Variants in SMIM41 observed in about 807,000 individuals in gnomAD.
SMIM41 encodes small integral membrane protein 41.
intron 2 of SMIM41, among the ~76,000 whole-genome samples, chr12:52,100,974 T>A (rs1940207267): frequency 6.6e-6 from 1 of 152,190 alleles, no homozygotes; most frequent in Non-Finnish European, 1.5e-5. Flanking sequence ...AACTATGGTA[T>A]ACACACATAA....
At chr12:52,084,736 C>CA (rs1939868733) in intron 2 of SMIM41, 1 of 152,540 alleles carries the variant, frequency 6.6e-6, no homozygotes, top group African/African-American at 2.4e-5. Flanking sequence ...CCAGACTGGG[C>CA]AGGAGTTGGA....
intron 2 of SMIM41, among the ~76,000 whole-genome samples, chr12:52,105,806 G>A (rs1940327214): frequency 6.6e-6 from 1 of 152,118 alleles, no homozygotes; most frequent in African/African-American, 2.4e-5. Context: ...TTGAGAGTTG[G>A]AAGACCATGA....
chr12:52,085,530 C>T (rs1026869031), intron 2 of SMIM41, among the ~76,000 whole-genome samples: 5 of 152,120 alleles, frequency 3.3e-5, no homozygotes, highest in African/African-American at 1.2e-4. Context: ...TGATGGTGTG[C>T]GTTCCCGGCC....
At chr12:52,082,136 G>C (rs1022266088) in intron 1 of SMIM41, 1 of 152,388 alleles carries the variant, frequency 6.6e-6, no homozygotes, top group Admixed American at 6.5e-5. Context: ...TGAACCTGAG[G>C]GGGGATGGGC....
chr12:52,103,357 CAA>C (rs532598136), intron 2 of SMIM41, among the ~76,000 whole-genome samples: 10 of 116,962 alleles, frequency 8.5e-5, no homozygotes, highest in Non-Finnish European at 1.3e-4. Flanking sequence ...AAAATAAAAC[CAA>C]AAAAAAAAAA....
intron 2 of SMIM41, among the ~76,000 whole-genome samples, chr12:52,088,952 A>G (rs1939938150): frequency 6.6e-6 from 1 of 151,736 alleles, no homozygotes; most frequent in Non-Finnish European, 1.5e-5. Flanking sequence ...CCAGGCACCG[A>G]GTCTTCAGTG....
At chr12:52,086,140 G>A (rs1200870082) in intron 2 of SMIM41, among the ~76,000 whole-genome samples, 3 of 152,200 alleles carry the variant, frequency 2.0e-5, no homozygotes, top group Admixed American at 1.3e-4. Context: ...GAGGGAGCCC[G>A]AGGAGTGGGC....
chr12:52,080,178 A>C lies in SMIM41; in HGVS notation c.*117A>C. ...CCTTACCCGAAGCGGCGCGCCCCAC[A>C]CAGGTGAGAGGGAGGGTAGCAGGAG... On this transcript the variant is annotated 3_prime_UTR_variant, in exon 1 of 3. Coordinates refer to ENST00000546390, the MANE Select transcript of SMIM41 (RefSeq NM_001369216.1). The C allele has an allele frequency of 3.1e-6, 1 of 319,582 alleles. No homozygotes were observed. The highest frequency in any genetic ancestry group is 5.7e-6 in the Non-Finnish European group (1 of 175,368). The allele number at this position is 319,582 out of a possible 1,614,324, so 19.8% of individuals were successfully genotyped here. A position where few individuals can be genotyped will look rare whatever the true frequency, so the allele number is the denominator to read the frequency against.
chr12:52,107,425 C>G lies in SMIM41; in HGVS notation c.*242C>G. On this transcript the variant is annotated 3_prime_UTR_variant, in exon 3 of 3. Transcript: ENST00000546390. ...GCAGCTGGTCCTTGCTGGACTGTTC[C>G]TGTCCATGTGCCTGGTCATGGTGCT... 1.7e-6 allele frequency: 1 copy of G among 578,670 alleles called. No individual in the cohort carries two copies. Among genetic ancestry groups the G allele is most frequent in the East Asian group, 4.5e-5 (1 of 22,274 alleles). The allele number at this position is 578,670 out of a possible 1,614,324, so 35.8% of individuals were successfully genotyped here. A position where few individuals can be genotyped will look rare whatever the true frequency, so the allele number is the denominator to read the frequency against.
chr12:52,091,233 G>A (rs1027456663), intron 2 of SMIM41, among the ~76,000 whole-genome samples: 7 of 152,172 alleles, frequency 4.6e-5, no homozygotes, highest in Non-Finnish European at 5.9e-5. Context: ...TCCCCTCTGC[G>A]TTCCCATCAC....
In SMIM41 at chr12:52,080,120, G is replaced by A. The variant is rs535893359; in HGVS notation, c.*59G>A. ...GGCAGCCCCTGACTCCGAGCGGTCCGGAGCATGCCCGACGGCTGCTGCGGT... is the reference window on the plus strand; with the variant it reads ...GGCAGCCCCTGACTCCGAGCGGTCCAGAGCATGCCCGACGGCTGCTGCGGT... On this transcript the variant is annotated 3_prime_UTR_variant, in exon 1 of 3. Coordinates refer to ENST00000546390, the MANE Select transcript of SMIM41 (RefSeq NM_001369216.1). The A allele has an allele frequency of 4.7e-4, 165 of 348,954 alleles. 3 individuals are homozygous for A. In the South Asian group the frequency reaches 5.7e-3, roughly 12 times the overall value. The allele number at this position is 348,954 out of a possible 1,614,324, so 21.6% of individuals were successfully genotyped here.
rs922180432 is a variant in SMIM41 at position 52,107,425 on chromosome 12, C to A, written c.*242C>A. ...GCAGCTGGTCCTTGCTGGACTGTTC[C>A]TGTCCATGTGCCTGGTCATGGTGCT... is the stretch of plus-strand genomic sequence containing the variant. On this transcript the variant is annotated 3_prime_UTR_variant, in exon 3 of 3. Coordinates refer to ENST00000546390, the MANE Select transcript of SMIM41 (RefSeq NM_001369216.1). The A allele has an allele frequency of 3.5e-6, 2 of 578,552 alleles. No homozygotes were observed. The highest frequency in any genetic ancestry group is 3.8e-5 in the African/African-American group (2 of 53,138). The allele number at this position is 578,552 out of a possible 1,614,324, so 35.8% of individuals were successfully genotyped here. A position where few individuals can be genotyped will look rare whatever the true frequency, so the allele number is the denominator to read the frequency against.
Position 52,085,464 on chromosome 12 carries a change from C to T in SMIM41, c.*195+1496C>T, listed in dbSNP as rs141524695. On this transcript the variant is annotated intron_variant, in intron 2 of 2. Transcript: ENST00000546390. ...TGTTTTGTTAGGATGAAGTGAGATC[C>T]ACACATTTAGGGTGCTTGGCACATA... Among the ~76,000 whole-genome samples, 766 of 137,910 alleles carry T rather than the reference C, an allele frequency of 5.6e-3. 5 individuals are homozygous for T. Among genetic ancestry groups the T allele is most frequent in the Non-Finnish European group, 9.1e-3 (563 of 61,764 alleles). The allele number at this position is 137,910 out of a possible 152,430, so 90.5% of individuals were successfully genotyped here.
chr12:52,101,614 T>G (rs1208980197), intron 2 of SMIM41, among the ~76,000 whole-genome samples: 4 of 152,224 alleles, frequency 2.6e-5, no homozygotes, highest in African/African-American at 9.6e-5. Context: ...AAGAATTTCT[T>G]GCATATTTCC....
intron 2 of SMIM41, among the ~76,000 whole-genome samples, chr12:52,098,646 A>G (rs1437975409): frequency 1.3e-5 from 2 of 151,304 alleles, no homozygotes; most frequent in African/African-American, 2.4e-5. Context: ...CCTAGATATT[A>G]GGAAAAATGT....
intron 2 of SMIM41, among the ~76,000 whole-genome samples, chr12:52,106,308 C>T (rs1682668235): frequency 6.6e-6 from 1 of 152,228 alleles, no homozygotes; most frequent in East Asian, 1.9e-4. Context: ...CAAAAATTGG[C>T]TGTCATCAGT....
chr12:52,099,546 A>G (rs1209950469), intron 2 of SMIM41, among the ~76,000 whole-genome samples: 1 of 151,946 alleles, frequency 6.6e-6, no homozygotes, highest in Admixed American at 6.6e-5. Flanking sequence ...ATTGAAAGTA[A>G]TATCCTCTCC....
intron 2 of SMIM41, among the ~76,000 whole-genome samples, chr12:52,100,434 C>T (rs962492101): frequency 4.6e-5 from 7 of 151,736 alleles, no homozygotes; most frequent in Admixed American, 6.6e-5. Flanking sequence ...ACAACCCCTG[C>T]GAGAATGGGA....
At chr12:52,100,413 C>T (rs1396303008) in intron 2 of SMIM41, among the ~76,000 whole-genome samples, 1 of 151,964 alleles carries the variant, frequency 6.6e-6, no homozygotes, top group Non-Finnish European at 1.5e-5. Flanking sequence ...AAAACAATAT[C>T]ATCGGGGTGA....
Sources: allele counts gnomAD v4.1 joint callset (sites outside exome capture counted in the v4.1 genomes callset), GRCh38; gene constraint gnomAD v4.1.1; transcripts MANE v1.5; gene names NCBI Gene and HGNC (gene_info 2026-07-23, HGNC 2026-07-21).